Variants in FAM185A observed in about 807,000 individuals in gnomAD.
FAM185A encodes the protein family with sequence similarity 185 member A.
A neutral mutation model predicts 45.7 loss-of-function variants in FAM185A; 21 were observed. That is an observed-to-expected ratio of 0.46 (90% CI 0.33 to 0.66). The LOEUF (loss-of-function observed/expected upper bound fraction) is 0.66. Among genes scored for constraint, FAM185A ranks in the 30% least tolerant of loss-of-function variants. The pLI, the probability that FAM185A is intolerant of heterozygous loss-of-function variation, is 0.03. For missense variants in FAM185A, 305 were observed against 485.4 expected (o/e 0.63, Z 3.49); for synonymous variants, 117 against 194.0 (o/e 0.60, Z 3.30).
downstream of FAM185A, among the ~76,000 whole-genome samples, chr7:102,811,060 T>C (rs1797402242): frequency 6.6e-6 from 1 of 152,214 alleles, no homozygotes; most frequent in Non-Finnish European, 1.5e-5. Flanking sequence ...ATGGTTGTGG[T>C]GTGTTATACT....
intron 6 of FAM185A, among the ~76,000 whole-genome samples, chr7:102,778,780 C>T (rs1008097691): frequency 3.3e-5 from 5 of 152,076 alleles, no homozygotes; most frequent in African/African-American, 1.2e-4. Context: ...TTCAGATCTC[C>T]GAATTCTCAA....
chr7:102,755,316 GC>G lies in FAM185A; in HGVS notation c.562-2534del. The G allele has an allele frequency of 5.9e-5, 33 of 561,988 alleles. 1 individual carries two copies. In the South Asian group the frequency reaches 7.7e-4, roughly 13 times the overall value. 34.8% of individuals were successfully genotyped at this position (561,988 alleles called of 1,614,324 possible). The stretch of plus-strand genomic sequence containing the variant: ...GAGACCTCACCTGCTTTGTGAAATG[GC>G]CCCGCTATATCAGGTTGCAATGGCA... On this transcript the variant is annotated intron_variant, in intron 2 of 7. Coordinates refer to ENST00000413034, the MANE Select transcript of FAM185A (RefSeq NM_001145268.2).
intron 4 of FAM185A, among the ~76,000 whole-genome samples, chr7:102,768,755 A>G (rs374503518): frequency 6.6e-6 from 1 of 152,164 alleles, no homozygotes; most frequent in African/African-American, 2.4e-5. Flanking sequence ...AAAACTATCT[A>G]TTTTCTCAAA....
chr7:102,769,895 G>C (rs1266277927), intron 4 of FAM185A, among the ~76,000 whole-genome samples: 1 of 151,706 alleles, frequency 6.6e-6, no homozygotes, highest in Non-Finnish European at 1.5e-5. Flanking sequence ...TTAATCCATT[G>C]ATTCATGAAT....
intron 7 of FAM185A, among the ~76,000 whole-genome samples, chr7:102,802,832 A>G (rs1008147760): frequency 7.2e-5 from 11 of 152,178 alleles, no homozygotes; most frequent in African/African-American, 2.7e-4. Flanking sequence ...AAAAGAGAGA[A>G]AATTCAAATA....
chr7:102,795,838 C>G (rs916363513), intron 7 of FAM185A, among the ~76,000 whole-genome samples: 1 of 152,116 alleles, frequency 6.6e-6, no homozygotes, highest in African/African-American at 2.4e-5. Flanking sequence ...AAGGCTTAAA[C>G]TATTTCCAAG....
intron 7 of FAM185A, among the ~76,000 whole-genome samples, chr7:102,795,870 T>C (rs2539217): frequency 0.46 from 69,369 of 151,480 alleles, 17,824 homozygotes; most frequent in African/African-American, 0.7. Flanking sequence ...CATCCTTGAG[T>C]GAAGCTCAAG....
chr7:102,841,153 T>C, the FAM185A span, among the ~76,000 whole-genome samples: 21 of 151,966 alleles, frequency 1.4e-4, no homozygotes, highest in South Asian at 3.7e-3. Context: ...CAAAAACATA[T>C]CAAAAACCTA....
chr7:102,807,717 G>A (rs1797205437), intron 7 of FAM185A, among the ~76,000 whole-genome samples: 1 of 150,126 alleles, frequency 6.7e-6, no homozygotes, highest in South Asian at 2.1e-4. Flanking sequence ...TTCGAGACCT[G>A]CCTGACCAAC....
At chr7:102,823,779 T>C in the FAM185A span, among the ~76,000 whole-genome samples, 1 of 152,250 alleles carries the variant, frequency 6.6e-6, no homozygotes. Context: ...TCACTTCAGT[T>C]TGGAACATAC....
At chr7:102,813,719 A>G (rs114631614), downstream of FAM185A, among the ~76,000 whole-genome samples, 2,122 of 152,334 alleles carry the variant, frequency 0.014, 54 homozygotes, top group African/African-American at 0.048. Context: ...AAGCCTCAGT[A>G]ACTCTGATTC....
chr7:102,781,522 C>T (rs1276113526), intron 6 of FAM185A, among the ~76,000 whole-genome samples: 1 of 152,230 alleles, frequency 6.6e-6, no homozygotes, highest in African/African-American at 2.4e-5. Flanking sequence ...TGTTCTGCAG[C>T]CTCTGCTGCT....
chr7:102,826,048 A>AT, the FAM185A span, among the ~76,000 whole-genome samples: 1,515 of 151,654 alleles, frequency 1.0e-2, 8 homozygotes, highest in Non-Finnish European at 0.014. Flanking sequence ...AATATATGTG[A>AT]TTTTTTTTTA....
chr7:102,756,162 C>T (rs186296120), intron 2 of FAM185A, among the ~76,000 whole-genome samples: 7 of 151,802 alleles, frequency 4.6e-5, no homozygotes, highest in African/African-American at 4.8e-5. Context: ...GTGTTGCCCA[C>T]GCCGGAGTGC....
intron 6 of FAM185A, among the ~76,000 whole-genome samples, chr7:102,785,299 T>A (rs1351404945): frequency 6.6e-6 from 1 of 151,284 alleles, no homozygotes; most frequent in East Asian, 1.9e-4. Context: ...AAGCTACCAA[T>A]GACTTTCTTC....
chr7:102,758,851 C>T (rs1793939456), intron 3 of FAM185A, among the ~76,000 whole-genome samples: 1 of 94,926 alleles, frequency 1.1e-5, no homozygotes, highest in Non-Finnish European at 2.3e-5. Flanking sequence ...TGCTATATTC[C>T]ATGGTCACTT....
At chr7:102,810,936 T>A (rs1267227540), downstream of FAM185A, among the ~76,000 whole-genome samples, 3 of 152,200 alleles carry the variant, frequency 2.0e-5, no homozygotes, top group Non-Finnish European at 2.9e-5. Flanking sequence ...AACTTCTTAT[T>A]TATGAAACAA....
At chr7:102,767,976 A>AT (rs1278671511) in intron 4 of FAM185A, among the ~76,000 whole-genome samples, 9 of 140,266 alleles carry the variant, frequency 6.4e-5, no homozygotes, top group Non-Finnish European at 1.4e-4. Flanking sequence ...TCTCCTAAAT[A>AT]TTTTTTCAAT....
the FAM185A span, among the ~76,000 whole-genome samples, chr7:102,828,860 T>C: frequency 6.6e-6 from 1 of 152,214 alleles, no homozygotes; most frequent in African/African-American, 2.4e-5. Context: ...CTTTGTGACC[T>C]GGCTCAATCA....
Sources: gnomAD v4.1 joint callset for allele counts (sites outside exome capture counted in the v4.1 genomes callset) on GRCh38, gnomAD v4.1.1 for gene constraint, MANE v1.5 for transcripts, NCBI Gene and HGNC (gene_info 2026-07-23, HGNC 2026-07-21) for gene names.